The following SLC2A13 variants were observed in gnomAD, a reference collection of about 807,000 sequenced individuals.
SLC2A13 encodes the protein proton myo-inositol cotransporter.
SLC2A13 carries 32 observed loss-of-function variants against 64.4 expected under a neutral mutation model. That is an observed-to-expected ratio of 0.50 (90% confidence interval 0.37 to 0.67). SLC2A13 has a LOEUF of 0.67. Among genes scored for constraint, SLC2A13 ranks in the 30% least tolerant of loss-of-function variants. SLC2A13 has a pLI of 0.00. For synonymous variants in SLC2A13, 338 were observed against 327.1 expected, an observed-to-expected ratio of 1.03 and a Z score of -0.36; for missense variants, 743 against 829.2, an observed-to-expected ratio of 0.90 and a Z score of 1.28.
At chr12:39,928,474 G>C (rs1945766223) in intron 4 of SLC2A13, among the ~76,000 whole-genome samples, 1 of 152,166 alleles carries the variant, frequency 6.6e-6, no homozygotes. Context: ...TAAAATGCTA[G>C]ATGCTCTACT....
chr12:39,822,861 GTTTA>G (rs1411738366), intron 7 of SLC2A13, among the ~76,000 whole-genome samples: 7 of 152,176 alleles, frequency 4.6e-5, no homozygotes, highest in African/African-American at 1.7e-4. Flanking sequence ...GTTAACAAGT[GTTTA>G]TTTATTATTA....
At chr12:39,770,940 GTGTA>G (rs1940542274) in intron 7 of SLC2A13, among the ~76,000 whole-genome samples, 1 of 152,070 alleles carries the variant, frequency 6.6e-6, no homozygotes, top group Admixed American at 6.5e-5. Context: ...TGGCCTCTAG[GTGTA>G]ATATCTCAAA....
At chr12:39,770,720 T>G (rs1940533866) in intron 7 of SLC2A13, among the ~76,000 whole-genome samples, 1 of 152,192 alleles carries the variant, frequency 6.6e-6, no homozygotes, top group Non-Finnish European at 1.5e-5. Context: ...GTGCCCCTCA[T>G]GACATTTCTA....
At chr12:39,792,798 T>G (rs4399379) in intron 7 of SLC2A13, among the ~76,000 whole-genome samples, 143,575 of 150,734 alleles carry the variant, frequency 0.95, 68,454 homozygotes, top group East Asian at 0.99. Context: ...CTGGCTGTAT[T>G]TAATGAAAAA....
chr12:39,843,707 G>A (rs1338164931), intron 6 of SLC2A13, among the ~76,000 whole-genome samples: 2 of 152,068 alleles, frequency 1.3e-5, no homozygotes, highest in African/African-American at 2.4e-5. Context: ...GCCTTGAAGT[G>A]AGAGGTGGCA....
chr12:40,058,006 A>G (rs904742488), intron 1 of SLC2A13, among the ~76,000 whole-genome samples: 4 of 152,080 alleles, frequency 2.6e-5, no homozygotes, highest in African/African-American at 9.6e-5. Flanking sequence ...GGGCATACAA[A>G]TGTCCCTATG....
intron 3 of SLC2A13, among the ~76,000 whole-genome samples, chr12:39,960,706 C>T (rs116969242): frequency 0.02 from 2,845 of 144,700 alleles, 35 homozygotes; most frequent in Non-Finnish European, 0.032. Context: ...TTCAGTACAA[C>T]GTTTATTAAA....
At chr12:39,827,078 C>T (rs1293178249) in intron 7 of SLC2A13, among the ~76,000 whole-genome samples, 1 of 151,386 alleles carries the variant, frequency 6.6e-6, no homozygotes. Context: ...CTGTATTTAC[C>T]AACAGTTGCT....
intron 4 of SLC2A13, among the ~76,000 whole-genome samples, chr12:39,923,690 G>A (rs58487507): frequency 0.12 from 4,410 of 36,428 alleles, 239 homozygotes; most frequent in African/African-American, 0.22. Context: ...ATATATATGC[G>A]CACGCGCACA....
At chr12:40,062,435 A>G (rs1948437519) in intron 1 of SLC2A13, among the ~76,000 whole-genome samples, 1 of 152,114 alleles carries the variant, frequency 6.6e-6, no homozygotes, top group South Asian at 2.1e-4. Flanking sequence ...GAACATGGAT[A>G]CTGATGTAAA....
At chr12:39,807,254 C>T (rs1000393203) in intron 7 of SLC2A13, among the ~76,000 whole-genome samples, 1 of 152,128 alleles carries the variant, frequency 6.6e-6, no homozygotes, top group African/African-American at 2.4e-5. Flanking sequence ...CACTAGGGAT[C>T]CCTGTGGTAA....
intron 1 of SLC2A13, among the ~76,000 whole-genome samples, chr12:40,088,053 A>G (rs1036138738): frequency 5.3e-5 from 8 of 152,226 alleles, no homozygotes; most frequent in African/African-American, 1.4e-4. Flanking sequence ...CACTGTTCCA[A>G]GAGTTTCATA....
At chr12:39,910,009 A>T (rs577652665) in intron 4 of SLC2A13, among the ~76,000 whole-genome samples, 4 of 152,034 alleles carry the variant, frequency 2.6e-5, no homozygotes, top group Non-Finnish European at 5.9e-5. Context: ...AAAAAGTACT[A>T]CAATTTTTAC....
chr12:39,767,878 T>C (rs1442667027), intron 7 of SLC2A13, among the ~76,000 whole-genome samples: 1 of 152,052 alleles, frequency 6.6e-6, no homozygotes, highest in Admixed American at 6.6e-5. Flanking sequence ...GAAGAGGACA[T>C]GTTTGCTTCC....
intron 6 of SLC2A13, among the ~76,000 whole-genome samples, chr12:39,856,435 C>T (rs1021212762): frequency 3.3e-5 from 5 of 152,178 alleles, no homozygotes; most frequent in Non-Finnish European, 5.9e-5. Flanking sequence ...GTGGCGTGAT[C>T]TCGGCTCACT....
At chr12:39,833,590 C>G (rs1942921130) in intron 6 of SLC2A13, among the ~76,000 whole-genome samples, 1 of 152,052 alleles carries the variant, frequency 6.6e-6, no homozygotes, top group African/African-American at 2.4e-5. Context: ...ACTTTTCAAC[C>G]TCTAGACTAT....
At chr12:39,760,731 A>G (rs1940103225) in intron 9 of SLC2A13, among the ~76,000 whole-genome samples, 1 of 152,020 alleles carries the variant, frequency 6.6e-6, no homozygotes, top group Non-Finnish European at 1.5e-5. Flanking sequence ...ATGAAGTCAG[A>G]GAATTTTGTT....
At chr12:40,035,894 C>T (rs11564199) in intron 2 of SLC2A13, among the ~76,000 whole-genome samples, 4,340 of 152,276 alleles carry the variant, frequency 0.029, 179 homozygotes, top group Admixed American at 0.11. Context: ...ATGAATATGG[C>T]ATTTTGCACA....
Position 40,106,011 on chromosome 12 carries a change from G to C in SLC2A13, c.-203C>G, listed in dbSNP as rs950110294. The stretch of plus-strand genomic sequence containing the variant: ...CTGCCCGCCGCGCTCCGACGCTGCG[G>C]AGTTGGAGCCCGGCGGGTCTCACTC... On this transcript the variant is annotated 5_prime_UTR_variant, in exon 1 of 10. Transcript: ENST00000280871. 2 of 532,322 alleles carry C rather than the reference G, an allele frequency of 3.8e-6. No homozygotes were observed. The highest frequency in any genetic ancestry group is 2.0e-5 in the African/African-American group (1 of 49,980). The allele number at this position is 532,322 out of a possible 1,614,324, so 33.0% of individuals were successfully genotyped here. A position where few individuals can be genotyped will look rare whatever the true frequency, so the allele number is the denominator to read the frequency against.
Sources: gnomAD v4.1 joint callset for allele counts (sites outside exome capture counted in the v4.1 genomes callset) on GRCh38, gnomAD v4.1.1 for gene constraint, MANE v1.5 for transcripts, NCBI Gene and HGNC (gene_info 2026-07-23, HGNC 2026-07-21) for gene names.